The following TGFBR3 variants were observed in gnomAD, a reference collection of about 807,000 sequenced individuals.
TGFBR3 encodes the protein transforming growth factor beta receptor 3, also known as transforming growth factor beta receptor type 3.
TGFBR3 carries 46 observed loss-of-function variants against 87.9 expected under a neutral mutation model. The observed-to-expected ratio is 0.52, with a 90% CI of 0.41 to 0.67. TGFBR3 has a LOEUF of 0.67. Among genes scored for constraint, TGFBR3 ranks in the 30% least tolerant of loss-of-function variants. TGFBR3 has a pLI of 0.00. For synonymous variants in TGFBR3, 381 were observed against 391.6 expected (o/e 0.97, Z 0.32); for missense variants, 866 against 1,041.9 (o/e 0.83, Z 2.32).
At chr1:91,722,625 A>T (rs1483055789) in intron 7 of TGFBR3, among the ~76,000 whole-genome samples, 1 of 152,148 alleles carries the variant, frequency 6.6e-6, no homozygotes, top group African/African-American at 2.4e-5. Context: ...ACTTACAGCC[A>T]CTTAACAATG....
chr1:91,803,637 T>C (rs577752707), intron 2 of TGFBR3, among the ~76,000 whole-genome samples: 5 of 152,282 alleles, frequency 3.3e-5, no homozygotes, highest in Admixed American at 1.3e-4. Flanking sequence ...CCTACCCTAA[T>C]TAATGTACTT....
intron 3 of TGFBR3, among the ~76,000 whole-genome samples, chr1:91,791,519 A>C (rs776312470): frequency 2.0e-5 from 3 of 152,226 alleles, no homozygotes; most frequent in Non-Finnish European, 4.4e-5. Context: ...GACTCCAAGC[A>C]CTGCAAAGAG....
intron 3 of TGFBR3, among the ~76,000 whole-genome samples, chr1:91,774,644 C>T (rs1674506304): frequency 6.6e-6 from 1 of 152,088 alleles, no homozygotes; most frequent in Non-Finnish European, 1.5e-5. Flanking sequence ...TTGGTTAAAC[C>T]CTACATCACT....
intron 1 of TGFBR3, among the ~76,000 whole-genome samples, chr1:91,869,751 C>T (rs1042375257): frequency 6.6e-6 from 1 of 152,230 alleles, no homozygotes; most frequent in African/African-American, 2.4e-5. Flanking sequence ...GAACCTCAGG[C>T]ATCCTCAAAG....
Position 91,859,243 on chromosome 1 carries a change from A to C in TGFBR3, c.61+2228T>G, listed in dbSNP as rs114703662. Among the ~76,000 whole-genome samples the C allele has an allele frequency of 5.6e-3, 855 of 152,102 alleles. 12 individuals are homozygous for C. Among genetic ancestry groups the C allele is most frequent in the African/African-American group, 0.02 (809 of 41,462 alleles). ...CATCAAGGCTGGACAGGGCCATTGA[A>C]CTCACTCCTTTCCCATAAAGTGCCT... is the stretch of plus-strand genomic sequence containing the variant. On this transcript the variant is annotated intron_variant, in intron 2 of 16. Transcript: ENST00000212355.
At chr1:91,717,892 T>C (rs1672229873) in intron 10 of TGFBR3, among the ~76,000 whole-genome samples, 1 of 152,020 alleles carries the variant, frequency 6.6e-6, no homozygotes, top group Non-Finnish European at 1.5e-5. Context: ...TTTTTTTATT[T>C]TTTCTTAACA....
chr1:91,882,680 G>T (rs193251756), intron 1 of TGFBR3, among the ~76,000 whole-genome samples: 2 of 152,258 alleles, frequency 1.3e-5, no homozygotes, highest in Non-Finnish European at 2.9e-5. Context: ...GGGAGGTGGA[G>T]CTTGCAGTGA....
At chr1:91,753,697 C>T (rs929772868) in intron 4 of TGFBR3, among the ~76,000 whole-genome samples, 21 of 152,320 alleles carry the variant, frequency 1.4e-4, no homozygotes, top group African/African-American at 5.0e-4. Context: ...AAATTGGAAT[C>T]ATACAACTTG....
intron 2 of TGFBR3, among the ~76,000 whole-genome samples, chr1:91,825,939 C>T (rs1286086410): frequency 2.7e-5 from 4 of 150,142 alleles, no homozygotes; most frequent in African/African-American, 9.8e-5. Flanking sequence ...CCAGATAGTG[C>T]CATTGCACTC....
At chr1:91,853,489 C>T (rs1225824834) in intron 2 of TGFBR3, among the ~76,000 whole-genome samples, 5 of 151,750 alleles carry the variant, frequency 3.3e-5, no homozygotes, top group Non-Finnish European at 7.4e-5. Context: ...GTTCACAGGC[C>T]GTTAACTCAC....
intron 5 of TGFBR3, among the ~76,000 whole-genome samples, chr1:91,730,893 T>A (rs1224507591): frequency 6.6e-6 from 1 of 152,264 alleles, no homozygotes; most frequent in Non-Finnish European, 1.5e-5. Context: ...CTCACTGTGC[T>A]GAGAGTTGCT....
intron 3 of TGFBR3, among the ~76,000 whole-genome samples, chr1:91,759,585 A>G (rs1006819792): frequency 6.6e-6 from 1 of 152,178 alleles, no homozygotes; most frequent in Non-Finnish European, 1.5e-5. Flanking sequence ...CAACATGAAC[A>G]TAGGAGAACA....
At chr1:91,826,253 C>T (rs1314743053) in intron 2 of TGFBR3, among the ~76,000 whole-genome samples, 3 of 152,030 alleles carry the variant, frequency 2.0e-5, no homozygotes, top group East Asian at 3.9e-4. Context: ...GCCGAGGGAA[C>T]GGAGGAAACA....
chr1:91,764,330 A>AAAAAAAAAAAAAAC (rs1557698538), intron 3 of TGFBR3, among the ~76,000 whole-genome samples: 1 of 132,508 alleles, frequency 7.5e-6, no homozygotes, highest in Non-Finnish European at 1.8e-5. Flanking sequence ...AAAAAAAAAA[A>AAAAAAAAAAAAAAC]AAAAAAAAAC....
chr1:91,816,022 C>T (rs1364639539), intron 2 of TGFBR3, among the ~76,000 whole-genome samples: 3 of 152,134 alleles, frequency 2.0e-5, no homozygotes, highest in African/African-American at 7.2e-5. Flanking sequence ...TCTCTGAATC[C>T]ACTTAAACCC....
At position 91,720,028 on chromosome 1, in the gene TGFBR3, G is replaced by A; in HGVS notation, c.1278C>T (p.Asp426=). The part of the protein sequence containing the change: ...EGEDGLPRPK[D]PVIPSIQLFP... ...ACAGTTGTATGCTGGGAATGACAGG[G>A]TCCTTTGGCCGAGGGAGCCCATCTT... The change falls in exon 9 of 17, where the codon GAC becomes GAT. Residue 426 remains aspartate (D), a synonymous_variant. Coordinates refer to ENST00000212355, the MANE Select transcript of TGFBR3 (RefSeq NM_003243.5). The A allele has an allele frequency of 6.2e-7, 1 of 1,614,198 alleles. No homozygotes were observed. The highest frequency in any genetic ancestry group is 8.5e-7 in the Non-Finnish European group (1 of 1,180,036).
chr1:91,808,909 A>G lies in TGFBR3; in HGVS notation c.62-11438T>C, dbSNP rs369794119. ...GATGTTACTGCCTAATTGGCTCAGA[A>G]CAGAGACCAAGAACAAATCTGAAGG... On this transcript the variant is annotated intron_variant, in intron 2 of 16. Transcript: ENST00000212355. Among the ~76,000 whole-genome samples the G allele has an allele frequency of 3.1e-4, 47 of 152,342 alleles. No individual in the cohort carries two copies. In the South Asian group the frequency reaches 9.1e-3, roughly 30 times the overall value.
Position 91,781,875 on chromosome 1 carries a change from T to G in TGFBR3, c.246+15412A>C, listed in dbSNP as rs543872806. Among the ~76,000 whole-genome samples the G allele has an allele frequency of 1.4e-4, 21 of 152,258 alleles. 1 individual carries two copies. The highest frequency in any genetic ancestry group is 5.1e-4 in the African/African-American group (21 of 41,548). Reference sequence around the variant, plus strand: ...GTAACTTGGAGTAGGCTTTGAAAGATTTTATGATTTGGGAAATTTGAAGAG... The same window carrying G: ...GTAACTTGGAGTAGGCTTTGAAAGAGTTTATGATTTGGGAAATTTGAAGAG... On this transcript the variant is annotated intron_variant, in intron 3 of 16. Transcript: ENST00000212355.
chr1:91,822,310 A>T lies in TGFBR3; in HGVS notation c.62-24839T>A, dbSNP rs865871933. On this transcript the variant is annotated intron_variant, in intron 2 of 16. Transcript: ENST00000212355. ...CAAAGCATTAAAAAAAAAAAAAAAA[A>T]AAAAAAAAAAAAAGATGAATCTTAG... 3.1e-4 allele frequency among the ~76,000 whole-genome samples: 47 copies of T among 151,030 alleles called. 1 individual carries two copies. The highest frequency in any genetic ancestry group is 1.9e-4 in the Non-Finnish European group (13 of 67,664).
Sources: allele counts gnomAD v4.1 joint callset (sites outside exome capture counted in the v4.1 genomes callset), GRCh38; gene constraint gnomAD v4.1.1; transcripts MANE v1.5; gene names NCBI Gene and HGNC (gene_info 2026-07-23, HGNC 2026-07-21).